The following SPON1 variants were observed in gnomAD, a reference collection of about 807,000 sequenced individuals.
SPON1 encodes the protein spondin 1.
Under a neutral mutation model 111.7 loss-of-function variants are expected in SPON1, and 52 were observed. That is an observed-to-expected ratio of 0.47 (90% CI 0.37 to 0.59). SPON1 has a LOEUF of 0.59. SPON1 is among the 20% of genes least tolerant of loss of function. The pLI is 0.00. For synonymous variants in SPON1, 410 were observed against 395.8 expected (o/e 1.04, Z -0.43); for missense variants, 957 against 1,068.5 (o/e 0.90, Z 1.46).
chr11:14,111,694 G>A (rs1356833849), intron 5 of SPON1, among the ~76,000 whole-genome samples: 1 of 152,126 alleles, frequency 6.6e-6, no homozygotes, highest in African/African-American at 2.4e-5. Context: ...TTTTGTGCCA[G>A]CCACTTCATT....
intron 6 of SPON1, among the ~76,000 whole-genome samples, chr11:14,224,091 T>G (rs1848711053): frequency 6.6e-6 from 1 of 152,248 alleles, no homozygotes. Flanking sequence ...ATTCATTCAT[T>G]TATTAAACAA....
chr11:14,106,695 G>A (rs571578980), intron 5 of SPON1, among the ~76,000 whole-genome samples: 109 of 152,310 alleles, frequency 7.2e-4, no homozygotes, highest in African/African-American at 2.5e-3. Context: ...GGAAATCGCA[G>A]CATAGGCAGC....
At chr11:14,222,717 C>G (rs549285222) in intron 6 of SPON1, among the ~76,000 whole-genome samples, 3 of 152,280 alleles carry the variant, frequency 2.0e-5, no homozygotes, top group East Asian at 3.9e-4. Context: ...TTTCCCACCA[C>G]CAGTAACATG....
intron 5 of SPON1, among the ~76,000 whole-genome samples, chr11:14,083,169 A>T (rs1159244006): frequency 4.6e-5 from 7 of 152,254 alleles, no homozygotes; most frequent in Non-Finnish European, 2.9e-5. Context: ...TATTCAAAAC[A>T]AAAGAAATGT....
intron 5 of SPON1, among the ~76,000 whole-genome samples, chr11:14,109,466 A>G (rs554803901): frequency 3.3e-5 from 5 of 152,370 alleles, no homozygotes; most frequent in African/African-American, 1.2e-4. Flanking sequence ...CTTAAAATTC[A>G]TTCAGTCACC....
At chr11:14,245,068 T>C (rs1848973868) in intron 7 of SPON1, among the ~76,000 whole-genome samples, 1 of 152,118 alleles carries the variant, frequency 6.6e-6, no homozygotes, top group Non-Finnish European at 1.5e-5. Flanking sequence ...TTAACACCCG[T>C]ATTGAAGACA....
chr11:14,260,355 T>A (rs962008767), intron 13 of SPON1, among the ~76,000 whole-genome samples: 3 of 152,032 alleles, frequency 2.0e-5, no homozygotes, highest in African/African-American at 7.2e-5. Context: ...TACCCTCATG[T>A]CATAACCATC....
intron 6 of SPON1, among the ~76,000 whole-genome samples, chr11:14,166,674 A>C (rs962400632): frequency 2.6e-5 from 4 of 152,216 alleles, no homozygotes; most frequent in Non-Finnish European, 5.9e-5. Context: ...CTTCTGTGGC[A>C]TAAAACAATT....
intron 6 of SPON1, among the ~76,000 whole-genome samples, chr11:14,189,508 A>G (rs1309443887): frequency 6.6e-6 from 1 of 152,156 alleles, no homozygotes; most frequent in Non-Finnish European, 1.5e-5. Flanking sequence ...CTGCAGACAC[A>G]GAGGTTCTCT....
chr11:13,967,378 T>A (rs1554908132), intron 1 of SPON1, among the ~76,000 whole-genome samples: 1 of 152,184 alleles, frequency 6.6e-6, no homozygotes, highest in African/African-American at 2.4e-5. Context: ...GATAAATCCT[T>A]ATTCACATTT....
intron 6 of SPON1, among the ~76,000 whole-genome samples, chr11:14,221,839 C>T (rs11605338): frequency 0.033 from 4,951 of 152,284 alleles, 113 homozygotes; most frequent in Non-Finnish European, 0.049. Flanking sequence ...TCATTAGAAC[C>T]GTGATCCTGT....
At chr11:13,994,849 G>A (rs1411251797) in intron 2 of SPON1, among the ~76,000 whole-genome samples, 1 of 152,148 alleles carries the variant, frequency 6.6e-6, no homozygotes, top group African/African-American at 2.4e-5. Flanking sequence ...CCAGAACACA[G>A]GATTTTGATT....
intron 2 of SPON1, among the ~76,000 whole-genome samples, chr11:13,992,599 C>T (rs1338524347): frequency 2.0e-5 from 3 of 152,032 alleles, no homozygotes; most frequent in Non-Finnish European, 4.4e-5. Context: ...CAGGCACCAC[C>T]GGGGTATGGA....
At chr11:14,236,207 C>G (rs782347180) in intron 6 of SPON1, among the ~76,000 whole-genome samples, 5 of 152,030 alleles carry the variant, frequency 3.3e-5, no homozygotes, top group Non-Finnish European at 1.5e-5. Context: ...TCTAGCTGAG[C>G]GATGATGGTG....
intron 5 of SPON1, among the ~76,000 whole-genome samples, chr11:14,116,707 T>G (rs1183557893): frequency 6.6e-6 from 1 of 152,208 alleles, no homozygotes; most frequent in Non-Finnish European, 1.5e-5. Context: ...TCTTGGTCAT[T>G]TGCATTTCTG....
At chr11:14,057,276 C>T (rs1554919264) in intron 3 of SPON1, among the ~76,000 whole-genome samples, 1 of 152,186 alleles carries the variant, frequency 6.6e-6, no homozygotes, top group Non-Finnish European at 1.5e-5. Flanking sequence ...TGTGATATTC[C>T]TGCTAGAGAT....
intron 1 of SPON1, among the ~76,000 whole-genome samples, chr11:13,975,571 T>G (rs1224611139): frequency 1.3e-5 from 2 of 152,022 alleles, no homozygotes; most frequent in Non-Finnish European, 2.9e-5. Context: ...GAACTGAAAT[T>G]GGGTGAGAGG....
chr11:14,041,721 A>G, intron 3 of SPON1, 67 bp downstream of exon 3: 4 of 1,577,856 alleles, frequency 2.5e-6, no homozygotes, highest in Non-Finnish European at 3.4e-6. Flanking sequence ...CAGGGAAAAA[A>G]AAAAAAGTTC....
At chr11:13,975,379 CAAAT>C (rs766995638) in intron 1 of SPON1, among the ~76,000 whole-genome samples, 1 of 152,136 alleles carries the variant, frequency 6.6e-6, no homozygotes, top group African/African-American at 2.4e-5. Flanking sequence ...GCATTTAAGA[CAAAT>C]AAAACCTTTT....
Sources: gnomAD v4.1 joint callset for allele counts (sites outside exome capture counted in the v4.1 genomes callset) on GRCh38, gnomAD v4.1.1 for gene constraint, MANE v1.5 for transcripts, NCBI Gene and HGNC (gene_info 2026-07-23, HGNC 2026-07-21) for gene names.